Variants in KIF6 observed in about 807,000 individuals in gnomAD.
KIF6 encodes the protein kinesin-like protein KIF6.
A neutral mutation model predicts 112.7 loss-of-function variants in KIF6; 106 were observed. The observed-to-expected ratio is 0.94, with a 90% CI of 0.80 to 1.11. KIF6 has a LOEUF of 1.11. Ranked by LOEUF, KIF6 falls within the 50% of genes least tolerant of loss-of-function variation. The pLI, the probability that KIF6 is intolerant of heterozygous loss-of-function variation, is 0.00. For missense variants in KIF6, 929 were observed against 964.0 expected, an observed-to-expected ratio of 0.96 and a Z score of 0.48; for synonymous variants, 339 against 339.9, an observed-to-expected ratio of 1.00 and a Z score of 0.03.
chr6:39,613,219 A>G lies in KIF6; in HGVS notation c.609T>C (p.Phe203=), dbSNP rs773229293. 2.5e-6 allele frequency: 4 copies of G among 1,602,628 alleles called. No individual in the cohort carries two copies. The highest frequency in any genetic ancestry group is 1.1e-5 in the South Asian group (1 of 88,922). ...TTEEEALNLL[F]LGDTNRMIAE... ...CAATCATTCGGTTGGTGTCTCCTAA[A>G]AAAAGCAAATTCAGAGCTTCTTCCT... The change falls in exon 6 of 23, where the codon TTT becomes TTC. Residue 203 remains phenylalanine (F), a synonymous_variant. Coordinates refer to ENST00000287152, the MANE Select transcript of KIF6 (RefSeq NM_145027.6).
chr6:39,510,854 T>G (rs1255808937), intron 13 of KIF6, among the ~76,000 whole-genome samples: 2 of 70,422 alleles, frequency 2.8e-5, no homozygotes, highest in African/African-American at 1.2e-4. Flanking sequence ...GAAGAAGATC[T>G]ACCAAGCAAA....
At chr6:39,363,634 C>T (rs1358262017) in intron 16 of KIF6, among the ~76,000 whole-genome samples, 2 of 152,170 alleles carry the variant, frequency 1.3e-5, no homozygotes, top group Non-Finnish European at 2.9e-5. Flanking sequence ...TCCTAGAAGT[C>T]GTACAGCCCT....
chr6:39,465,868 C>T (rs999442557), intron 13 of KIF6, among the ~76,000 whole-genome samples: 1 of 152,182 alleles, frequency 6.6e-6, no homozygotes, highest in Admixed American at 6.5e-5. Flanking sequence ...CCTTATTCCT[C>T]AAATCCTCTT....
chr6:39,498,766 T>A (rs1266594117), intron 13 of KIF6, among the ~76,000 whole-genome samples: 1 of 152,130 alleles, frequency 6.6e-6, no homozygotes, highest in Admixed American at 6.6e-5. Context: ...GAGGAGATGA[T>A]AACTTTTTAG....
intron 14 of KIF6, among the ~76,000 whole-genome samples, chr6:39,422,301 TG>T (rs34004151): frequency 6.6e-6 from 1 of 152,122 alleles, no homozygotes; most frequent in Non-Finnish European, 1.5e-5. Flanking sequence ...CAGATGTGTC[TG>T]GGGGGCCTGG....
At chr6:39,446,251 G>T (rs4236064) in intron 13 of KIF6, among the ~76,000 whole-genome samples, 46,050 of 152,054 alleles carry the variant, frequency 0.3, 8,779 homozygotes, top group African/African-American at 0.54. Context: ...TGAGGAGTTA[G>T]GAGTGGGCAG....
intron 13 of KIF6, among the ~76,000 whole-genome samples, chr6:39,501,132 G>A (rs1776109561): frequency 6.6e-6 from 1 of 152,096 alleles, no homozygotes; most frequent in African/African-American, 2.4e-5. Flanking sequence ...AGAGCCAAGG[G>A]AATTCCCACC....
At chr6:39,420,234 G>T (rs749527059) in intron 14 of KIF6, among the ~76,000 whole-genome samples, 6 of 152,108 alleles carry the variant, frequency 3.9e-5, no homozygotes, top group Non-Finnish European at 8.8e-5. Context: ...TATTCTCATA[G>T]TCTCTCATTT....
intron 13 of KIF6, among the ~76,000 whole-genome samples, chr6:39,454,199 G>C (rs1772884733): frequency 6.6e-6 from 1 of 151,976 alleles, no homozygotes; most frequent in Non-Finnish European, 1.5e-5. Context: ...GACACTTTTT[G>C]ATACAAAGAC....
intron 13 of KIF6, among the ~76,000 whole-genome samples, chr6:39,530,667 A>C (rs1778000543): frequency 1.3e-5 from 2 of 152,126 alleles, no homozygotes; most frequent in African/African-American, 4.8e-5. Context: ...TTTCAGCATA[A>C]ATTGGTAAAG....
intron 13 of KIF6, among the ~76,000 whole-genome samples, chr6:39,507,234 C>G (rs149750371): frequency 6.6e-6 from 1 of 152,228 alleles, no homozygotes; most frequent in East Asian, 1.9e-4. Context: ...TCCAGGTAGA[C>G]AGTGTCAGAA....
chr6:39,575,432 G>A (rs1022230202), intron 10 of KIF6, among the ~76,000 whole-genome samples: 37 of 151,942 alleles, frequency 2.4e-4, no homozygotes, highest in Middle Eastern at 3.4e-3. Flanking sequence ...CACCACACCC[G>A]GCTAATTTTT....
At chr6:39,415,301 TAAAAAAAAAAAAAA>T (rs5875672) in intron 15 of KIF6, among the ~76,000 whole-genome samples, 1 of 89,458 alleles carries the variant, frequency 1.1e-5, no homozygotes, top group Non-Finnish European at 2.2e-5. Context: ...TTTTAAAATG[TAAAAAAAAAAAAAA>T]AAAAAAAAAA....
At chr6:39,575,371 C>T (rs745742593) in intron 10 of KIF6, among the ~76,000 whole-genome samples, 28 of 151,578 alleles carry the variant, frequency 1.8e-4, no homozygotes, top group East Asian at 3.9e-4. Flanking sequence ...CCCGGGTTGA[C>T]GCCATTCTCC....
intron 3 of KIF6, among the ~76,000 whole-genome samples, chr6:39,688,242 G>C (rs975417154): frequency 3.3e-5 from 5 of 152,134 alleles, no homozygotes; most frequent in African/African-American, 1.2e-4. Flanking sequence ...TGGGAGGCCA[G>C]AGGGCAGGAG....
chr6:39,703,559 AT>A (rs1789009732), intron 3 of KIF6, among the ~76,000 whole-genome samples: 1 of 152,196 alleles, frequency 6.6e-6, no homozygotes, highest in Non-Finnish European at 1.5e-5. Flanking sequence ...TAATAAGTAA[AT>A]TTGTTCCTAT....
intron 22 of KIF6, among the ~76,000 whole-genome samples, chr6:39,341,220 C>T (rs1763309223): frequency 6.6e-6 from 1 of 152,200 alleles, no homozygotes. Flanking sequence ...CACTCCCAGT[C>T]CCCTGGCTAA....
At chr6:39,461,541 AT>A (rs546458140) in intron 13 of KIF6, among the ~76,000 whole-genome samples, 61 of 152,272 alleles carry the variant, frequency 4.0e-4, no homozygotes, top group African/African-American at 1.4e-3. Context: ...GGTGAAATTA[AT>A]TTTAATATGT....
chr6:39,493,459 A>G (rs1467814926), intron 13 of KIF6, among the ~76,000 whole-genome samples: 1 of 152,176 alleles, frequency 6.6e-6, no homozygotes, highest in African/African-American at 2.4e-5. Flanking sequence ...CATGTGACAG[A>G]TTCTTTCCTT....
Sources: gnomAD v4.1 joint callset for allele counts (sites outside exome capture counted in the v4.1 genomes callset) on GRCh38, gnomAD v4.1.1 for gene constraint, MANE v1.5 for transcripts, NCBI Gene and HGNC (gene_info 2026-07-23, HGNC 2026-07-21) for gene names.